Variants in HHIP observed in about 807,000 individuals in gnomAD.
HHIP encodes the protein hedgehog interacting protein, also known as hedgehog-interacting protein.
Under a neutral mutation model 74.0 loss-of-function variants are expected in HHIP, and 12 were observed. That is an observed-to-expected ratio of 0.16 (90% CI 0.10 to 0.26). The LOEUF (loss-of-function observed/expected upper bound fraction) is 0.26, where lower values mean the gene tolerates loss of function less well. HHIP is among the 10% of genes least tolerant of loss of function. The pLI, the probability that HHIP is intolerant of heterozygous loss-of-function variation, is 1.00. For synonymous variants in HHIP, 309 were observed against 311.6 expected (o/e 0.99, Z 0.09); for missense variants, 788 against 845.0 (o/e 0.93, Z 0.84).
At chr4:144,651,281 T>C (rs568356652) in intron 1 of HHIP, among the ~76,000 whole-genome samples, 10 of 152,112 alleles carry the variant, frequency 6.6e-5, no homozygotes, top group Non-Finnish European at 1.2e-4. Flanking sequence ...TAATAACCTT[T>C]CTTTATATTG....
At chr4:144,721,422 G>A (rs1730631127) in intron 11 of HHIP, among the ~76,000 whole-genome samples, 1 of 151,970 alleles carries the variant, frequency 6.6e-6, no homozygotes, top group African/African-American at 2.4e-5. Flanking sequence ...CAGTCTGTAA[G>A]GACAATTTGA....
At chr4:144,680,790 G>C (rs1034882020) in intron 4 of HHIP, among the ~76,000 whole-genome samples, 3 of 152,198 alleles carry the variant, frequency 2.0e-5, no homozygotes, top group Non-Finnish European at 2.9e-5. Context: ...AAGAGAGAAA[G>C]ATAGAAGGAA....
At chr4:144,717,140 TAC>T (rs1229847064) in intron 10 of HHIP, among the ~76,000 whole-genome samples, 1 of 152,154 alleles carries the variant, frequency 6.6e-6, no homozygotes, top group African/African-American at 2.4e-5. Flanking sequence ...TTAAAATAAA[TAC>T]AGTTTCACTG....
At chr4:144,679,081 G>A (rs191757382) in intron 4 of HHIP, among the ~76,000 whole-genome samples, 6 of 152,092 alleles carry the variant, frequency 3.9e-5, no homozygotes, top group African/African-American at 9.6e-5. Flanking sequence ...TCTAACTGGC[G>A]TGAGATGATA....
intron 4 of HHIP, among the ~76,000 whole-genome samples, chr4:144,692,130 T>A (rs532948122): frequency 6.6e-6 from 1 of 152,260 alleles, no homozygotes; most frequent in African/African-American, 2.4e-5. Context: ...AAATTTTTAT[T>A]TAATGTATTT....
chr4:144,699,702 T>C (rs1238690139), intron 4 of HHIP, among the ~76,000 whole-genome samples: 1 of 152,008 alleles, frequency 6.6e-6, no homozygotes, highest in East Asian at 1.9e-4. Flanking sequence ...ACTCAGGAAA[T>C]TCCAAGAGTT....
chr4:144,680,140 A>C (rs1173484416), intron 4 of HHIP, among the ~76,000 whole-genome samples: 1 of 152,172 alleles, frequency 6.6e-6, no homozygotes, highest in Non-Finnish European at 1.5e-5. Flanking sequence ...TATGTCTTAC[A>C]TGTCTGAGTT....
At chr4:144,690,665 T>C (rs1185593927) in intron 4 of HHIP, among the ~76,000 whole-genome samples, 2 of 152,192 alleles carry the variant, frequency 1.3e-5, no homozygotes, top group East Asian at 3.8e-4. Context: ...TTGTAAAGTG[T>C]CTCATGGCCC....
rs1034391399 is a variant in HHIP, at chr4:144,744,592, C to T, written c.*6635C>T. The T allele has an allele frequency of 6.6e-6, 1 of 152,180 alleles. No homozygotes were observed. Among genetic ancestry groups the T allele is most frequent in the Non-Finnish European group, 1.5e-5 (1 of 68,024 alleles). 9.4% of individuals were successfully genotyped at this position (152,180 alleles called of 1,614,324 possible). A position where few individuals can be genotyped will look rare whatever the true frequency, so the allele number is the denominator to read the frequency against. ...ATGTCTGAAAAGTTACATGCATAGTCATTGGCTCAGGTAATTTCTCTGAAT... is the reference window on the plus strand; with the variant it reads ...ATGTCTGAAAAGTTACATGCATAGTTATTGGCTCAGGTAATTTCTCTGAAT... On this transcript the variant is annotated 3_prime_UTR_variant, in exon 13 of 13. Transcript: ENST00000296575.
intron 4 of HHIP, among the ~76,000 whole-genome samples, chr4:144,669,070 TTAC>T (rs1728961860): frequency 6.6e-6 from 1 of 151,570 alleles, no homozygotes; most frequent in Non-Finnish European, 1.5e-5. Context: ...ATGTTTTCAA[TTAC>T]TACATTTTAA....
intron 11 of HHIP, among the ~76,000 whole-genome samples, chr4:144,727,652 C>T (rs1383959166): frequency 7.2e-5 from 11 of 152,142 alleles, no homozygotes; most frequent in Non-Finnish European, 1.5e-5. Context: ...TATTTAGTTT[C>T]ATTAATCTTT....
intron 4 of HHIP, among the ~76,000 whole-genome samples, chr4:144,697,526 T>C (rs1027658585): frequency 6.6e-6 from 1 of 152,012 alleles, no homozygotes; most frequent in Non-Finnish European, 1.5e-5. Flanking sequence ...TGGGCACATA[T>C]ATTAAAGTTT....
chr4:144,679,457 C>G (rs1374865528), intron 4 of HHIP, among the ~76,000 whole-genome samples: 1 of 152,120 alleles, frequency 6.6e-6, no homozygotes, highest in Non-Finnish European at 1.5e-5. Flanking sequence ...TTTGCCCATG[C>G]CTATGTCCTG....
chr4:144,688,052 A>AT (rs927933222), intron 4 of HHIP, among the ~76,000 whole-genome samples: 59 of 152,254 alleles, frequency 3.9e-4, no homozygotes, highest in African/African-American at 1.4e-3. Flanking sequence ...ATGTCTAATA[A>AT]TTGTGAACAA....
chr4:144,703,889 T>C (rs1166933180), intron 4 of HHIP, among the ~76,000 whole-genome samples: 1 of 152,196 alleles, frequency 6.6e-6, no homozygotes, highest in Non-Finnish European at 1.5e-5. Context: ...ACATATTTCT[T>C]CATAAGACCT....
chr4:144,733,396 A>T (rs1731015016), intron 11 of HHIP, among the ~76,000 whole-genome samples: 1 of 152,194 alleles, frequency 6.6e-6, no homozygotes, highest in Non-Finnish European at 1.5e-5. Flanking sequence ...GCCACCGTAC[A>T]TTTTAAATAT....
At chr4:144,735,061 C>A (rs1326383264) in intron 12 of HHIP, among the ~76,000 whole-genome samples, 172 bp downstream of exon 12, 1 of 152,164 alleles carries the variant, frequency 6.6e-6, no homozygotes, top group African/African-American at 2.4e-5. Context: ...AAATCTTGTT[C>A]ATTTTCTTAA....
chr4:144,733,125 A>G (rs996385685), intron 11 of HHIP, among the ~76,000 whole-genome samples: 3 of 152,156 alleles, frequency 2.0e-5, no homozygotes, highest in African/African-American at 7.2e-5. Context: ...GTCATTTAAC[A>G]TTTTCTCTAC....
intron 4 of HHIP, among the ~76,000 whole-genome samples, chr4:144,699,619 G>A (rs574319697): frequency 3.9e-5 from 6 of 152,138 alleles, no homozygotes; most frequent in Non-Finnish European, 8.8e-5. Flanking sequence ...GCCCACCAAA[G>A]TCAGCTTAGT....
Sources: gnomAD v4.1 joint callset for allele counts (sites outside exome capture counted in the v4.1 genomes callset) on GRCh38, gnomAD v4.1.1 for gene constraint, MANE v1.5 for transcripts, NCBI Gene and HGNC (gene_info 2026-07-23, HGNC 2026-07-21) for gene names.